Variants in PPFIBP2 observed in about 807,000 individuals in gnomAD.
PPFIBP2 encodes PPFIB scaffold protein 2.
Under a neutral mutation model 118.3 loss-of-function variants are expected in PPFIBP2, and 118 were observed. The observed-to-expected ratio is 1.00, with a 90% CI of 0.86 to 1.16. PPFIBP2 has a LOEUF of 1.16. Among genes scored for constraint, PPFIBP2 ranks in the 50% most tolerant of loss-of-function variants. The pLI, the probability that PPFIBP2 is intolerant of heterozygous loss-of-function variation, is 0.00. For synonymous variants in PPFIBP2, 414 were observed against 397.4 expected (o/e 1.04, Z -0.50); for missense variants, 1,195 against 1,073.1 (o/e 1.11, Z -1.59).
rs1175414963 is a variant in PPFIBP2, at chr11:7,653,260, G to A, written c.*42G>A. 6.2e-7 allele frequency: 1 copy of A among 1,611,642 alleles called. No homozygotes were observed. Among genetic ancestry groups the A allele is most frequent in the South Asian group, 1.1e-5 (1 of 90,698 alleles). On this transcript the variant is annotated 3_prime_UTR_variant, in exon 24 of 24. Coordinates refer to ENST00000299492, the MANE Select transcript of PPFIBP2 (RefSeq NM_003621.5). ...CCTCTGTGCACCCTGAGAGCTCACA[G>A]TAACACTGTGTGTGTCACCATATAA...
At chr11:7,552,455 G>C (rs1256350861) in intron 2 of PPFIBP2, among the ~76,000 whole-genome samples, 1 of 152,146 alleles carries the variant, frequency 6.6e-6, no homozygotes, top group African/African-American at 2.4e-5. Flanking sequence ...TATAAGGCTT[G>C]TGCATCCATT....
intron 6 of PPFIBP2, among the ~76,000 whole-genome samples, chr11:7,617,667 CT>C (rs1191740025): frequency 6.6e-6 from 1 of 151,478 alleles, no homozygotes; most frequent in Non-Finnish European, 1.5e-5. Flanking sequence ...ATTAAACAAA[CT>C]TTTGTTTCAC....
chr11:7,589,707 T>G (rs1029024363), intron 3 of PPFIBP2, among the ~76,000 whole-genome samples: 48 of 152,268 alleles, frequency 3.2e-4, no homozygotes, highest in African/African-American at 9.1e-4. Context: ...TTTTGCAACC[T>G]GACTTCATGC....
intron 3 of PPFIBP2, among the ~76,000 whole-genome samples, chr11:7,581,723 T>C (rs2135031789): frequency 6.6e-6 from 1 of 152,342 alleles, no homozygotes. Flanking sequence ...GGATCTAGAT[T>C]CCTTGGGCTC....
chr11:7,541,472 C>T (rs1479633601), intron 1 of PPFIBP2, among the ~76,000 whole-genome samples: 4 of 152,118 alleles, frequency 2.6e-5, no homozygotes, highest in African/African-American at 9.7e-5. Flanking sequence ...CTGACTGCGC[C>T]CTCTATCCAG....
rs184589408 is a variant in PPFIBP2 at position 7,565,885 on chromosome 11, A to G, written c.279+118A>G. ...TGTATACCTTCCAGCCTTTTCTTCC[A>G]TCCCACTTTGGCCAACGCTGCAGGG... On this transcript the variant is annotated intron_variant, in intron 3 of 23. Coordinates refer to ENST00000299492, the MANE Select transcript of PPFIBP2 (RefSeq NM_003621.5). The G allele has an allele frequency of 4.4e-5, 52 of 1,192,090 alleles. No homozygotes were observed. The Middle Eastern group carries it at 8.6e-4, about 20-fold the overall frequency. 73.8% of individuals were successfully genotyped at this position (1,192,090 alleles called of 1,614,324 possible). A position where few individuals can be genotyped will look rare whatever the true frequency, so the allele number is the denominator to read the frequency against.
In PPFIBP2 at chr11:7,653,287, T is replaced by C. The variant is rs1395682644; in HGVS notation, c.*69T>C. 1 of 1,599,062 alleles carries C rather than the reference T, an allele frequency of 6.3e-7. No homozygotes were observed. Among genetic ancestry groups the C allele is most frequent in the Non-Finnish European group, 8.5e-7 (1 of 1,173,494 alleles). The stretch of plus-strand genomic sequence containing the variant: ...AACACTGTGTGTGTCACCATATAAC[T>C]GCACCTCACCCCCGCACGTGTGCAT... On this transcript the variant is annotated 3_prime_UTR_variant, in exon 24 of 24. Coordinates refer to ENST00000299492, the MANE Select transcript of PPFIBP2 (RefSeq NM_003621.5).
At chr11:7,564,529 A>G (rs1048998868) in intron 2 of PPFIBP2, among the ~76,000 whole-genome samples, 1 of 152,278 alleles carries the variant, frequency 6.6e-6, no homozygotes, top group Admixed American at 6.5e-5. Flanking sequence ...AACCCTCACC[A>G]AAATGAATAC....
At position 7,639,820 on chromosome 11, in the gene PPFIBP2, C is replaced by T. The variant is rs576468245; in HGVS notation, c.1325C>T (p.Pro442Leu). ...CCCAATGGAGAGGCTGCCAAATCTC[C>T]TCCCACCATCTGCCAGCCTGACGCC... is the stretch of plus-strand genomic sequence containing the variant. ...ATPNGEAAKSPPTICQPDATG... is the reference protein window; with the variant it reads ...ATPNGEAAKSLPTICQPDATG... The change falls in exon 15 of 24, where the codon CCT (proline) becomes CTT (leucine). Residue 442 changes from proline (P) to leucine (L), a missense_variant. Transcript: ENST00000299492. 10 of 1,603,462 alleles carry T rather than the reference C, an allele frequency of 6.2e-6. No homozygotes were observed. The South Asian group carries it at 1.1e-4, about 18-fold the overall frequency.
chr11:7,562,970 T>TACACAC (rs1485132552), intron 2 of PPFIBP2, among the ~76,000 whole-genome samples: 18 of 98,868 alleles, frequency 1.8e-4, no homozygotes, highest in African/African-American at 6.1e-4. Context: ...TATATATATA[T>TACACAC]ATATATACAC....
intron 5 of PPFIBP2, among the ~76,000 whole-genome samples, chr11:7,601,586 C>G (rs914602179): frequency 1.3e-5 from 2 of 152,126 alleles, no homozygotes; most frequent in African/African-American, 4.8e-5. Flanking sequence ...TCAGGACTGC[C>G]TATGGAAGCA....
intron 5 of PPFIBP2, among the ~76,000 whole-genome samples, chr11:7,607,545 A>G (rs113250212): frequency 0.016 from 2,370 of 152,220 alleles, 64 homozygotes; most frequent in African/African-American, 0.054. Flanking sequence ...CAAGTACTCA[A>G]TAGTGGCTTT....
chr11:7,653,009 T>C lies in PPFIBP2; in HGVS notation c.2437-15T>C. On this transcript the variant is annotated splice_polypyrimidine_tract_variant and intron_variant, in intron 23 of 23. Transcript: ENST00000299492. ...TTGATTGCCTTCTCATAATCTTGCA[T>C]TTTCTGTGTTTTAGCCAAGGAAACT... 1 of 1,598,988 alleles carries C rather than the reference T, an allele frequency of 6.3e-7. No homozygotes were observed. The highest frequency in any genetic ancestry group is 1.1e-5 in the South Asian group (1 of 89,468).
intron 16 of PPFIBP2, chr11:7,642,028 G>A (rs1852265910): frequency 7.0e-6 from 3 of 430,570 alleles, no homozygotes; most frequent in Non-Finnish European, 1.2e-5. Context: ...TGTGACATGA[G>A]GCAGAAACTG....
At position 7,653,102 on chromosome 11, in the gene PPFIBP2, A is replaced by T. The variant is rs146511653; in HGVS notation, c.2515A>T (p.Met839Leu). 6.2e-7 allele frequency: 1 copy of T among 1,614,218 alleles called. No individual in the cohort carries two copies. ...FDESTDYICPMEPSDGVSDSH... is the reference protein window; with the variant it reads ...FDESTDYICPLEPSDGVSDSH... ...TGAATCGACGGACTACATTTGCCCA[A>T]TGGAGCCCAGTGACGGTGTCAGTGA... The change falls in exon 24 of 24, where the codon ATG becomes TTG. Residue 839 changes from methionine to leucine, a missense_variant. Transcript: ENST00000299492.
chr11:7,656,972 C>A (rs760820276), downstream of PPFIBP2: 9 of 401,712 alleles, frequency 2.2e-5, no homozygotes, highest in Non-Finnish European at 4.3e-5. Context: ...CCAGGGGTGG[C>A]CCCAGGGTCC....
chr11:7,515,383 G>T (rs887201851), intron 1 of PPFIBP2, among the ~76,000 whole-genome samples: 22 of 152,134 alleles, frequency 1.4e-4, no homozygotes, highest in African/African-American at 5.3e-4. Context: ...TTCTTTACTG[G>T]GTAGCTAAGG....
chr11:7,543,133 T>G (rs1453845712), intron 1 of PPFIBP2, among the ~76,000 whole-genome samples: 2 of 152,250 alleles, frequency 1.3e-5, no homozygotes, highest in African/African-American at 4.8e-5. Flanking sequence ...ATATCTGTCT[T>G]TGTCCTTTTT....
At chr11:7,645,036 A>C (rs1284206850) in intron 17 of PPFIBP2, among the ~76,000 whole-genome samples, 8 of 120,504 alleles carry the variant, frequency 6.6e-5, no homozygotes, top group Non-Finnish European at 7.3e-5. Flanking sequence ...CAAAAAAAAA[A>C]AAAAAAAAAA....
Sources: allele counts gnomAD v4.1 joint callset (sites outside exome capture counted in the v4.1 genomes callset), GRCh38; gene constraint gnomAD v4.1.1; transcripts MANE v1.5; gene names NCBI Gene and HGNC (gene_info 2026-07-23, HGNC 2026-07-21).